ARID5B: variants seen among roughly 807,000 people sequenced by gnomAD.
The protein encoded by ARID5B is AT-rich interactive domain-containing protein 5B.
A neutral mutation model predicts 97.2 loss-of-function variants in ARID5B; 13 were observed. The ratio of observed to expected loss-of-function variants is 0.13; its 90% CI spans 0.09 to 0.21. ARID5B has a LOEUF of 0.21. Ranked by LOEUF, ARID5B falls within the 10% of genes least tolerant of loss-of-function variation. The pLI is 1.00. For missense variants in ARID5B, 1,210 were observed against 1,465.3 expected (o/e 0.83, Z 2.84); for synonymous variants, 556 against 570.3 (o/e 0.97, Z 0.36).
Position 62,065,845 on chromosome 10 carries a change from C to CA in ARID5B, c.1102-3835dup, listed in dbSNP as rs60296263. Among the ~76,000 whole-genome samples, 195 of 88,574 alleles carry CA rather than the reference C, an allele frequency of 2.2e-3. 1 individual carries two copies. The highest frequency in any genetic ancestry group is 5.3e-3 in the African/African-American group (122 of 22,916). The allele number at this position is 88,574 out of a possible 152,430, so 58.1% of individuals were successfully genotyped here. On this transcript the variant is annotated intron_variant, in intron 7 of 9. Coordinates refer to ENST00000279873, the MANE Select transcript of ARID5B (RefSeq NM_032199.3). ...TGGGCGACAGAGTGAGACTCTGTCTCAAAAAAAAAAAAAAAAAAAAGGAAA... is the reference window on the plus strand; with the variant it reads ...TGGGCGACAGAGTGAGACTCTGTCTCAAAAAAAAAAAAAAAAAAAAAGGAAA...
At chr10:61,925,395 C>T (rs4948488) in intron 2 of ARID5B, among the ~76,000 whole-genome samples, 117,519 of 151,878 alleles carry the variant, frequency 0.77, 45,819 homozygotes, top group Non-Finnish European at 0.83. Flanking sequence ...TTTTAATGGC[C>T]AGAGCTAACT....
At chr10:61,918,909 C>T (rs1158984534) in intron 2 of ARID5B, among the ~76,000 whole-genome samples, 1 of 152,060 alleles carries the variant, frequency 6.6e-6, no homozygotes, top group African/African-American at 2.4e-5. Flanking sequence ...TGGCATGCAC[C>T]TGTAATCCCA....
intron 4 of ARID5B, among the ~76,000 whole-genome samples, chr10:62,024,255 G>A (rs529187435): frequency 5.9e-5 from 9 of 152,274 alleles, no homozygotes; most frequent in African/African-American, 2.2e-4. Context: ...TAGTAAGCAA[G>A]TAAATAGATA....
At chr10:61,977,463 C>T (rs1238227605) in intron 3 of ARID5B, among the ~76,000 whole-genome samples, 1 of 152,236 alleles carries the variant, frequency 6.6e-6, no homozygotes, top group East Asian at 1.9e-4. Flanking sequence ...AGCTAGTTTA[C>T]AGTCCCACCA....
At chr10:61,964,592 C>T (rs753758731) in intron 3 of ARID5B, among the ~76,000 whole-genome samples, 1 of 152,222 alleles carries the variant, frequency 6.6e-6, no homozygotes, top group Non-Finnish European at 1.5e-5. Flanking sequence ...AATAGCTTCA[C>T]TCCAGCTCTG....
chr10:61,996,425 T>C (rs563570632), intron 3 of ARID5B, among the ~76,000 whole-genome samples: 1 of 152,202 alleles, frequency 6.6e-6, no homozygotes, highest in East Asian at 1.9e-4. Flanking sequence ...GTTCAAAGAT[T>C]GGGTTATAAG....
At chr10:62,090,748 C>G in intron 9 of ARID5B, 114 bp from the exon 10 acceptor site, 1 of 1,322,174 alleles carries the variant, frequency 7.6e-7, no homozygotes, top group Non-Finnish European at 1.0e-6. Context: ...ACTTCACGAG[C>G]TGATTGACAA....
At chr10:61,912,572 A>G (rs1044161787) in intron 2 of ARID5B, among the ~76,000 whole-genome samples, 1 of 151,824 alleles carries the variant, frequency 6.6e-6, no homozygotes, top group African/African-American at 2.4e-5. Flanking sequence ...AATGTATACT[A>G]TTTTTGTTAG....
chr10:61,973,047 G>A (rs1418241905), intron 3 of ARID5B, among the ~76,000 whole-genome samples: 17 of 152,144 alleles, frequency 1.1e-4, no homozygotes, highest in Non-Finnish European at 5.9e-5. Flanking sequence ...AGACTATGAT[G>A]AGGAAAGACA....
intron 2 of ARID5B, among the ~76,000 whole-genome samples, chr10:61,914,648 T>A (rs2393780): frequency 0.5 from 75,584 of 152,110 alleles, 19,140 homozygotes; most frequent in African/African-American, 0.58. Context: ...TTTCACCCAC[T>A]GTGTTTTCAA....
chr10:62,073,179 C>T (rs944634723), intron 8 of ARID5B, among the ~76,000 whole-genome samples: 1 of 152,208 alleles, frequency 6.6e-6, no homozygotes, highest in Non-Finnish European at 1.5e-5. Context: ...TGTTCTCATT[C>T]TTTTCACTCC....
chr10:62,091,654 A>AGG lies in ARID5B; in HGVS notation c.2192_2193insGG (p.Ser731ArgfsTer22). The AGG allele has an allele frequency of 6.2e-7, 1 of 1,614,182 alleles. No individual in the cohort carries two copies. On this transcript the variant is annotated frameshift_variant, in exon 10 of 10. Coordinates refer to ENST00000279873, the MANE Select transcript of ARID5B (RefSeq NM_032199.3). LOFTEE classifies it high-confidence loss of function. Reference sequence around the variant, plus strand: ...GATTGCTAGGGATGACTTGTGTTCCAGTTTGTCCCAGACCCACCATGGCCA... The same window carrying AGG: ...GATTGCTAGGGATGACTTGTGTTCCAGGGTTTGTCCCAGACCCACCATGGCCA...
intron 9 of ARID5B, among the ~76,000 whole-genome samples, chr10:62,086,690 C>CAAA (rs747189859): frequency 3.4e-4 from 8 of 23,814 alleles, no homozygotes; most frequent in Non-Finnish European, 6.8e-4. Flanking sequence ...GACTCCATCT[C>CAAA]AAAAAAAAAA....
At chr10:62,017,861 A>G (rs983794361) in intron 4 of ARID5B, among the ~76,000 whole-genome samples, 2 of 152,234 alleles carry the variant, frequency 1.3e-5, no homozygotes, top group African/African-American at 4.8e-5. Context: ...TTGTACACTG[A>G]GCAAAATTCA....
chr10:62,073,353 C>T (rs895850542), intron 8 of ARID5B, among the ~76,000 whole-genome samples: 2 of 152,132 alleles, frequency 1.3e-5, no homozygotes, highest in Admixed American at 6.5e-5. Flanking sequence ...AAAAATGTAG[C>T]CAGTTCCTCA....
rs549901878 is a variant in ARID5B, at chr10:62,086,263, G to T, written c.1398+363G>T. 3.8e-4 allele frequency among the ~76,000 whole-genome samples: 58 copies of T among 152,312 alleles called. 2 individuals are homozygous for T. In the South Asian group the frequency reaches 0.012, roughly 31 times the overall value. The stretch of plus-strand genomic sequence containing the variant: ...AACATGGCTTCTTGGCCGCTCCACA[G>T]CCCGTCTATCTGAGGTGCTGGTGCG... On this transcript the variant is annotated intron_variant, in intron 9 of 9. Coordinates refer to ENST00000279873, the MANE Select transcript of ARID5B (RefSeq NM_032199.3).
intron 2 of ARID5B, among the ~76,000 whole-genome samples, chr10:61,902,680 TG>T (rs1324151811): frequency 2.0e-5 from 3 of 148,772 alleles, no homozygotes; most frequent in Non-Finnish European, 4.5e-5. Flanking sequence ...AGGATGTGTG[TG>T]TGTGTGTGTG....
chr10:62,095,102 A>AAT lies in ARID5B; in HGVS notation c.*2087_*2088dup, dbSNP rs146309746. ...TTAATTATTTACCTTCCTGTGGAAT[A>AAT]ATATATATATATATATTTAATAGAA... is the stretch of plus-strand genomic sequence containing the variant. On this transcript the variant is annotated 3_prime_UTR_variant, in exon 10 of 10. Coordinates refer to ENST00000279873, the MANE Select transcript of ARID5B (RefSeq NM_032199.3). 1.3e-3 allele frequency: 289 copies of AAT among 222,176 alleles called. No homozygotes were observed. Among genetic ancestry groups the AAT allele is most frequent in the South Asian group, 8.7e-3 (47 of 5,400 alleles). The allele number at this position is 222,176 out of a possible 1,614,324, so 13.8% of individuals were successfully genotyped here.
intron 6 of ARID5B, 148 bp downstream of exon 6, chr10:62,057,466 A>C: frequency 1.2e-6 from 1 of 864,224 alleles, no homozygotes. Context: ...GTTCCAGGCC[A>C]AGAATTTTTT....
Sources: allele counts gnomAD v4.1 joint callset (sites outside exome capture counted in the v4.1 genomes callset), GRCh38; gene constraint gnomAD v4.1.1; transcripts MANE v1.5; gene names NCBI Gene and HGNC (gene_info 2026-07-23, HGNC 2026-07-21).